FRMPD4: variants seen among roughly 807,000 people sequenced by gnomAD.
The protein encoded by FRMPD4 is FERM and PDZ domain-containing protein 4.
Under a neutral mutation model 94.1 loss-of-function variants are expected in FRMPD4, and 22 were observed. That is an observed-to-expected ratio of 0.23 (90% CI 0.17 to 0.33). The LOEUF (loss-of-function observed/expected upper bound fraction) is 0.33, where lower values mean the gene tolerates loss of function less well. Ranked by LOEUF, FRMPD4 falls within the 10% of genes least tolerant of loss-of-function variation. FRMPD4 has a pLI of 1.00. For synonymous variants in FRMPD4, 631 were observed against 548.6 expected, an observed-to-expected ratio of 1.15 and a Z score of -2.10; for missense variants, 1,111 against 1,339.9, an observed-to-expected ratio of 0.83 and a Z score of 2.67.
At position 12,138,578 on chromosome X, in the gene FRMPD4, G is replaced by A; in HGVS notation, c.-394G>A. On this transcript the variant is annotated 5_prime_UTR_variant, in exon 1 of 17. Transcript: ENST00000675598. ...GTGGGGCACGAGGGTCCGAGGGCCG[G>A]GAAGCCAGAGCAGCGCCTCTCGCCC... 1 of 266,707 alleles carries A rather than the reference G, an allele frequency of 3.7e-6. No individual in the cohort carries two copies. The highest frequency in any genetic ancestry group is 6.6e-6 in the Non-Finnish European group (1 of 150,849). 22.0% of individuals were successfully genotyped at this position (266,707 alleles called of 1,213,427 possible).
chrX:12,680,372 G>A (rs769679104), intron 5 of FRMPD4, among the ~76,000 whole-genome samples: 1 of 112,159 alleles, frequency 8.9e-6, no homozygotes, highest in Non-Finnish European at 1.9e-5. Flanking sequence ...CTTTCAAGTG[G>A]TACACATTGT....
At position 11,932,115 on chromosome X, in the gene FRMPD4, G is replaced by C. The variant is rs1027128295; in HGVS notation, c.95+54097G>C. ...ATACCACAATGCTAGGCCCGGGGAAGACTCATTGTTTGTCCACTCCCTTGC... is the reference window on the plus strand; with the variant it reads ...ATACCACAATGCTAGGCCCGGGGAACACTCATTGTTTGTCCACTCCCTTGC... On this transcript the variant is annotated intron_variant, in intron 3 of 18. Coordinates refer to the FRMPD4 transcript ENST00000640291. 3.6e-5 allele frequency among the ~76,000 whole-genome samples: 4 copies of C among 111,745 alleles called. 1 individual carries two copies. The Admixed American group carries it at 3.8e-4, about 11-fold the overall frequency.
intron 1 of FRMPD4, among the ~76,000 whole-genome samples, chrX:12,394,449 T>G (rs1039014581): frequency 1.2e-4 from 13 of 111,988 alleles, no homozygotes; most frequent in Non-Finnish European, 2.1e-4. Context: ...GTCTTTTAAT[T>G]GCATTTCCAG....
rs112303790 is a variant in FRMPD4, at chrX:12,444,176, GA to G, written c.42-54493del. On this transcript the variant is annotated intron_variant, in intron 1 of 16. Coordinates refer to ENST00000675598, the MANE Select transcript of FRMPD4 (RefSeq NM_001368397.1). ...AGGGGTTATTCATGAAGCAGAGAAA[GA>G]AAAAAAAAAATAGAATATGGGGAAA... is the stretch of plus-strand genomic sequence containing the variant. Among the ~76,000 whole-genome samples, 324 of 99,140 alleles carry G rather than the reference GA, an allele frequency of 3.3e-3. 2 individuals carry two copies. Among genetic ancestry groups the G allele is most frequent in the East Asian group, 0.011 (36 of 3,224 alleles). The allele number at this position is 99,140 out of a possible 115,157, so 86.1% of individuals were successfully genotyped here.
chrX:12,477,569 C>T (rs1319290427), intron 1 of FRMPD4, among the ~76,000 whole-genome samples: 2 of 112,338 alleles, frequency 1.8e-5, no homozygotes, highest in Non-Finnish European at 3.8e-5. Flanking sequence ...GGGTTGTTTC[C>T]AGCTGTCTCA....
intron 1 of FRMPD4, among the ~76,000 whole-genome samples, chrX:12,280,795 C>T (rs1217823463): frequency 9.0e-6 from 1 of 111,443 alleles, no homozygotes; most frequent in Non-Finnish European, 1.9e-5. Context: ...ATGGAGATGC[C>T]AGTACCACAC....
At chrX:12,693,410 G>A (rs1475245044) in intron 8 of FRMPD4, among the ~76,000 whole-genome samples, 1 of 111,889 alleles carries the variant, frequency 8.9e-6, no homozygotes, top group Non-Finnish European at 1.9e-5. Flanking sequence ...ATTAAGAAAC[G>A]AACTTCTAGT....
At chrX:12,262,967 G>A (rs2054215546) in intron 1 of FRMPD4, among the ~76,000 whole-genome samples, 1 of 111,798 alleles carries the variant, frequency 8.9e-6, no homozygotes, top group Admixed American at 9.4e-5. Flanking sequence ...GCCTCGTGAG[G>A]TTAATTTGCT....
chrX:11,906,676 A>G (rs1483610612), intron 3 of FRMPD4, among the ~76,000 whole-genome samples: 1 of 110,696 alleles, frequency 9.0e-6, no homozygotes, highest in Admixed American at 9.6e-5. Context: ...CAGTCCAACT[A>G]TGGTGTTTTT....
intron 3 of FRMPD4, among the ~76,000 whole-genome samples, chrX:12,053,814 T>G (rs1237437015): frequency 8.9e-6 from 1 of 112,048 alleles, no homozygotes; most frequent in African/African-American, 3.2e-5. Flanking sequence ...AATATAACTT[T>G]TATGTGACAT....
rs1278369097 is a variant in FRMPD4 at position 12,073,162 on chromosome X, A to G, written c.95+195144A>G. 4.5e-5 allele frequency among the ~76,000 whole-genome samples: 5 copies of G among 111,301 alleles called. No individual in the cohort carries two copies. In the Admixed American group the frequency reaches 4.8e-4, roughly 11 times the overall value. On this transcript the variant is annotated intron_variant, in intron 3 of 18. Coordinates refer to the FRMPD4 transcript ENST00000640291. ...TCATTTCTTAATTAACATTGCTTCC[A>G]GTTTCTTTTAATATAAACAAAATTC... is the stretch of plus-strand genomic sequence containing the variant.
chrX:12,157,210 G>A (rs1355602277), intron 1 of FRMPD4, among the ~76,000 whole-genome samples: 1 of 111,750 alleles, frequency 8.9e-6, no homozygotes, highest in Non-Finnish European at 1.9e-5. Flanking sequence ...TTTATATTCT[G>A]CTTATTATAG....
intron 2 of FRMPD4, among the ~76,000 whole-genome samples, chrX:12,563,338 C>G (rs1276619608): frequency 9.0e-6 from 1 of 111,573 alleles, no homozygotes; most frequent in Non-Finnish European, 1.9e-5. Flanking sequence ...TGGTTCCTCC[C>G]AGAGCAACTC....
intron 1 of FRMPD4, among the ~76,000 whole-genome samples, chrX:11,857,011 G>A: frequency 9.0e-6 from 1 of 111,570 alleles, no homozygotes; most frequent in East Asian, 2.8e-4. Flanking sequence ...TGAGGTGAAA[G>A]ATCTCTACAA....
chrX:11,889,233 C>G (rs1362559222), intron 3 of FRMPD4, among the ~76,000 whole-genome samples: 2 of 112,180 alleles, frequency 1.8e-5, no homozygotes, highest in African/African-American at 3.2e-5. Context: ...CCCACTAGCC[C>G]TGAACAAATA....
At chrX:12,073,412 T>C (rs1171720636) in intron 3 of FRMPD4, among the ~76,000 whole-genome samples, 1 of 112,264 alleles carries the variant, frequency 8.9e-6, no homozygotes, top group Non-Finnish European at 1.9e-5. Flanking sequence ...AACTAGTTGC[T>C]GACATTTGAA....
At chrX:12,669,925 A>G (rs1174284507) in intron 4 of FRMPD4, among the ~76,000 whole-genome samples, 1 of 112,055 alleles carries the variant, frequency 8.9e-6, no homozygotes, top group East Asian at 2.8e-4. Context: ...TTAAGCCACT[A>G]AGTTTGTGGT....
At chrX:12,614,918 G>A (rs374710798) in intron 4 of FRMPD4, 37 bp downstream of exon 4, 1 of 763,608 alleles carries the variant, frequency 1.3e-6, no homozygotes, top group African/African-American at 2.1e-5. Context: ...GTTCTGCTTT[G>A]AAGGCTGCTG....
chrX:11,834,104 C>A (rs965546960), intron 1 of FRMPD4, among the ~76,000 whole-genome samples: 2 of 111,441 alleles, frequency 1.8e-5, no homozygotes, highest in East Asian at 2.8e-4. Context: ...CTTTCCTGAC[C>A]CTTAAGTTCT....
Sources: allele counts gnomAD v4.1 joint callset (sites outside exome capture counted in the v4.1 genomes callset), GRCh38; gene constraint gnomAD v4.1.1; transcripts MANE v1.5; gene names NCBI Gene and HGNC (gene_info 2026-07-23, HGNC 2026-07-21).